RIMS1: variants seen among roughly 807,000 people sequenced by gnomAD.
The protein encoded by RIMS1 is regulating synaptic membrane exocytosis protein 1.
Under a neutral mutation model 214.1 loss-of-function variants are expected in RIMS1, and 83 were observed. The observed-to-expected ratio is 0.39, with a 90% CI of 0.32 to 0.47. The LOEUF is 0.47. RIMS1 is among the 20% of genes least tolerant of loss of function. The pLI, the probability that RIMS1 is intolerant of heterozygous loss-of-function variation, is 0.99. For missense variants in RIMS1, 2,050 were observed against 2,161.8 expected, an observed-to-expected ratio of 0.95 and a Z score of 1.03; for synonymous variants, 793 against 786.8, an observed-to-expected ratio of 1.01 and a Z score of -0.13.
In RIMS1 at chr6:71,906,450, T is replaced by C. The variant is rs572306372; in HGVS notation, c.164+19263T>C. Among the ~76,000 whole-genome samples, 3 of 152,264 alleles carry C rather than the reference T, an allele frequency of 2.0e-5. No homozygotes were observed. In the South Asian group the frequency reaches 6.2e-4, roughly 32 times the overall value. On this transcript the variant is annotated intron_variant, in intron 1 of 33. Coordinates refer to ENST00000521978, the MANE Select transcript of RIMS1 (RefSeq NM_014989.7). ...ACAGTTATGGATGCTATCCCTACTT[T>C]ACAGAAAAGAAAACAGAAAAAATAA...
At chr6:71,986,610 G>C (rs927073256) in intron 2 of RIMS1, among the ~76,000 whole-genome samples, 3 of 152,194 alleles carry the variant, frequency 2.0e-5, no homozygotes, top group African/African-American at 7.2e-5. Context: ...TTTCTTATTT[G>C]GGCAATGGAG....
At chr6:72,213,617 A>G (rs1406382785) in intron 6 of RIMS1, among the ~76,000 whole-genome samples, 2 of 152,174 alleles carry the variant, frequency 1.3e-5, no homozygotes, top group African/African-American at 2.4e-5. Flanking sequence ...ACTATCTCAT[A>G]CAAAGAATGA....
intron 4 of RIMS1, among the ~76,000 whole-genome samples, chr6:72,176,036 T>C (rs962711304): frequency 3.3e-5 from 5 of 152,234 alleles, no homozygotes; most frequent in African/African-American, 9.6e-5. Context: ...TTTTCTGATA[T>C]GTGGCATGGT....
intron 1 of RIMS1, among the ~76,000 whole-genome samples, chr6:71,956,630 A>T (rs1255232528): frequency 1.3e-5 from 2 of 152,202 alleles, no homozygotes; most frequent in Admixed American, 6.5e-5. Context: ...AACCGACTTC[A>T]TACAGCTATT....
At chr6:71,940,733 C>T (rs1195196806) in intron 1 of RIMS1, among the ~76,000 whole-genome samples, 1 of 152,060 alleles carries the variant, frequency 6.6e-6, no homozygotes. Flanking sequence ...TGGGATTAGG[C>T]CATCTGTGTT....
chr6:72,128,976 A>G (rs2040029426), intron 4 of RIMS1, among the ~76,000 whole-genome samples: 1 of 152,234 alleles, frequency 6.6e-6, no homozygotes, highest in African/African-American at 2.4e-5. Flanking sequence ...ACATTAAATC[A>G]ACTCAGAATC....
chr6:71,945,068 T>G (rs556580680), intron 1 of RIMS1, among the ~76,000 whole-genome samples: 1 of 152,182 alleles, frequency 6.6e-6, no homozygotes, highest in Non-Finnish European at 1.5e-5. Flanking sequence ...AGTAGGGTTC[T>G]AGTAGGAAAG....
At chr6:72,186,820 A>G (rs1016927996) in intron 6 of RIMS1, among the ~76,000 whole-genome samples, 1 of 149,866 alleles carries the variant, frequency 6.7e-6, no homozygotes, top group Non-Finnish European at 1.5e-5. Flanking sequence ...CTCATACTAT[A>G]TATAGGAACA....
chr6:72,131,929 C>T (rs2040514916), intron 4 of RIMS1, among the ~76,000 whole-genome samples: 1 of 152,166 alleles, frequency 6.6e-6, no homozygotes, highest in African/African-American at 2.4e-5. Context: ...AGTGATATTT[C>T]TCCCATTTGC....
chr6:71,998,527 C>A (rs1278609742), intron 2 of RIMS1, among the ~76,000 whole-genome samples: 1 of 152,102 alleles, frequency 6.6e-6, no homozygotes, highest in African/African-American at 2.4e-5. Flanking sequence ...AATCTCTTTC[C>A]CACTCCCTGT....
intron 4 of RIMS1, among the ~76,000 whole-genome samples, chr6:72,118,965 C>T (rs766057492): frequency 1.3e-5 from 2 of 151,472 alleles, no homozygotes; most frequent in Non-Finnish European, 3.0e-5. Context: ...TACTGGAAGT[C>T]CTGGCCAGAC....
chr6:72,273,339 C>A (rs912115391), intron 22 of RIMS1, among the ~76,000 whole-genome samples: 1 of 152,042 alleles, frequency 6.6e-6, no homozygotes, highest in Non-Finnish European at 1.5e-5. Flanking sequence ...TAAATGAGTC[C>A]TTTAAGACTA....
chr6:72,201,778 C>G (rs1428799824), intron 6 of RIMS1, among the ~76,000 whole-genome samples: 1 of 152,174 alleles, frequency 6.6e-6, no homozygotes, highest in Non-Finnish European at 1.5e-5. Flanking sequence ...AGTCCACATT[C>G]CAGAGTTGTG....
chr6:72,061,417 A>T (rs1219248251), intron 2 of RIMS1, among the ~76,000 whole-genome samples: 1 of 152,250 alleles, frequency 6.6e-6, no homozygotes, highest in East Asian at 1.9e-4. Context: ...CAATGTTGCT[A>T]ACTCAAAAGC....
chr6:72,127,109 A>G (rs1018700420), intron 4 of RIMS1, among the ~76,000 whole-genome samples: 1 of 152,184 alleles, frequency 6.6e-6, no homozygotes, highest in African/African-American at 2.4e-5. Flanking sequence ...ACCCCAATGA[A>G]TATTTCCCCA....
intron 4 of RIMS1, among the ~76,000 whole-genome samples, chr6:72,106,479 G>T (rs973864578): frequency 1.3e-5 from 2 of 152,146 alleles, no homozygotes; most frequent in Non-Finnish European, 2.9e-5. Context: ...GTCAGTCACT[G>T]AGCCAATGTG....
intron 4 of RIMS1, among the ~76,000 whole-genome samples, chr6:72,133,460 A>T (rs1225056779): frequency 1.3e-5 from 2 of 152,186 alleles, no homozygotes; most frequent in East Asian, 3.8e-4. Flanking sequence ...AGAATTCAAA[A>T]ACTTGCAGTC....
intron 1 of RIMS1, among the ~76,000 whole-genome samples, chr6:71,959,712 A>T (rs1792363497): frequency 6.6e-6 from 1 of 152,108 alleles, no homozygotes; most frequent in Non-Finnish European, 1.5e-5. Flanking sequence ...TAATGCTTAC[A>T]ACTCGAAATA....
chr6:72,336,083 G>A (rs368447104), intron 29 of RIMS1, among the ~76,000 whole-genome samples: 2 of 151,818 alleles, frequency 1.3e-5, no homozygotes, highest in East Asian at 1.9e-4. Context: ...AAATGGAAAC[G>A]TTATTTGATG....
Sources: allele counts gnomAD v4.1 joint callset (sites outside exome capture counted in the v4.1 genomes callset), GRCh38; gene constraint gnomAD v4.1.1; transcripts MANE v1.5; gene names NCBI Gene and HGNC (gene_info 2026-07-23, HGNC 2026-07-21).